MAST2: variants seen among roughly 807,000 people sequenced by gnomAD.
The protein encoded by MAST2 is microtubule-associated serine/threonine-protein kinase 2.
MAST2 carries 70 observed loss-of-function variants against 147.4 expected under a neutral mutation model. That is an observed-to-expected ratio of 0.47 (90% CI 0.39 to 0.58). MAST2 has a LOEUF of 0.58. Among genes scored for constraint, MAST2 ranks in the 20% least tolerant of loss-of-function variants. MAST2 has a pLI of 0.00. For synonymous variants in MAST2, 869 were observed against 896.8 expected (o/e 0.97, Z 0.55); for missense variants, 2,080 against 2,302.3 (o/e 0.90, Z 1.98).
At chr1:45,912,778 A>G (rs1651878270) in intron 4 of MAST2, among the ~76,000 whole-genome samples, 1 of 152,142 alleles carries the variant, frequency 6.6e-6, no homozygotes, top group Non-Finnish European at 1.5e-5. Flanking sequence ...ATGTCTTCCT[A>G]TTTGTTGGGA....
chr1:45,972,693 A>C (rs778726679), intron 5 of MAST2, among the ~76,000 whole-genome samples: 1 of 152,128 alleles, frequency 6.6e-6, no homozygotes, highest in Non-Finnish European at 1.5e-5. Flanking sequence ...CATCATCTAC[A>C]TGCTTAATTC....
intron 3 of MAST2, among the ~76,000 whole-genome samples, chr1:45,831,397 T>C (rs1214066334): frequency 6.6e-6 from 1 of 152,180 alleles, no homozygotes; most frequent in Non-Finnish European, 1.5e-5. Context: ...GGAGGATGTC[T>C]TTGTGTAGCA....
rs948854114 is a variant in MAST2 at position 45,847,406 on chromosome 1, C to CT, written c.468+17832dup. The CT allele has an allele frequency of 1.3e-5, 7 of 540,934 alleles. No homozygotes were observed. In the East Asian group the frequency reaches 2.4e-4, roughly 18 times the overall value. The allele number at this position is 540,934 out of a possible 1,614,324, so 33.5% of individuals were successfully genotyped here. A position where few individuals can be genotyped will look rare whatever the true frequency, so the allele number is the denominator to read the frequency against. ...TTCACAAGCATCTTTGTTTGAATAT[C>CT]TTTTTTTGGGGGGGATCAAGATGAT... On this transcript the variant is annotated intron_variant, in intron 3 of 28. Coordinates refer to ENST00000361297, the MANE Select transcript of MAST2 (RefSeq NM_015112.3).
intron 11 of MAST2, among the ~76,000 whole-genome samples, chr1:46,021,465 G>T (rs1387229028): frequency 6.6e-6 from 1 of 152,238 alleles, no homozygotes; most frequent in Non-Finnish European, 1.5e-5. Context: ...CAGTTATTAT[G>T]TGCAGACAAG....
At chr1:45,880,378 A>G (rs1311704996) in intron 3 of MAST2, among the ~76,000 whole-genome samples, 3 of 152,180 alleles carry the variant, frequency 2.0e-5, no homozygotes, top group Non-Finnish European at 4.4e-5. Flanking sequence ...AATGAGAATA[A>G]TATTTGCTTG....
chr1:45,846,824 T>TA lies in MAST2; in HGVS notation c.468+17258dup, dbSNP rs34512504. ...CAGGTGACAGTGCAAGACTCCGTCT[T>TA]AAAAAAAAAAAAAAATTAATAACAC... On this transcript the variant is annotated intron_variant, in intron 3 of 28. Transcript: ENST00000361297. 4.2e-3 allele frequency among the ~76,000 whole-genome samples: 615 copies of TA among 146,568 alleles called. 3 individuals are homozygous for TA. Among genetic ancestry groups the TA allele is most frequent in the Middle Eastern group, 0.014 (4 of 286 alleles).
chr1:45,878,715 A>G (rs1646711192), intron 3 of MAST2, among the ~76,000 whole-genome samples: 1 of 152,172 alleles, frequency 6.6e-6, no homozygotes, highest in Non-Finnish European at 1.5e-5. Context: ...GCAATTGGAA[A>G]ATGAAATAAA....
chr1:45,999,643 C>T (rs1345195779), intron 6 of MAST2, among the ~76,000 whole-genome samples: 1 of 152,158 alleles, frequency 6.6e-6, no homozygotes, highest in African/African-American at 2.4e-5. Flanking sequence ...TGGTTGTTTC[C>T]TCTGTAAGGA....
At chr1:45,885,057 T>A (rs918102245) in intron 4 of MAST2, among the ~76,000 whole-genome samples, 3 of 152,240 alleles carry the variant, frequency 2.0e-5, no homozygotes, top group Non-Finnish European at 2.9e-5. Flanking sequence ...TAAGTTTAAT[T>A]ACTACAAAAT....
chr1:46,000,104 G>A (rs919996113), intron 6 of MAST2, among the ~76,000 whole-genome samples: 2 of 152,104 alleles, frequency 1.3e-5, no homozygotes, highest in African/African-American at 2.4e-5. Context: ...ACTTGAAGTC[G>A]GGAGATTGAG....
At chr1:45,977,118 C>T (rs1416802168) in intron 5 of MAST2, among the ~76,000 whole-genome samples, 2 of 152,206 alleles carry the variant, frequency 1.3e-5, no homozygotes, top group African/African-American at 2.4e-5. Context: ...AGAAGAAAAT[C>T]TGCATGGCCT....
At chr1:45,931,377 G>GTTTTTTTTTTTTTT (rs71587091) in intron 4 of MAST2, among the ~76,000 whole-genome samples, 11 of 101,184 alleles carry the variant, frequency 1.1e-4, no homozygotes, top group South Asian at 3.5e-4. Flanking sequence ...ATTGTGTTCT[G>GTTTTTTTTTTTTTT]TTTTTTTTTT....
At chr1:45,942,202 G>A (rs1657403779) in intron 4 of MAST2, among the ~76,000 whole-genome samples, 2 of 150,014 alleles carry the variant, frequency 1.3e-5, no homozygotes, top group South Asian at 4.2e-4. Flanking sequence ...AAACATGTAT[G>A]TTTATAAAGG....
At chr1:45,958,647 T>C (rs370847652) in intron 4 of MAST2, among the ~76,000 whole-genome samples, 1 of 152,118 alleles carries the variant, frequency 6.6e-6, no homozygotes, top group East Asian at 1.9e-4. Context: ...GTTCTTTTGT[T>C]CCCTACTGCT....
At chr1:45,904,084 TTAAACTCC>T (rs1650249418) in intron 4 of MAST2, among the ~76,000 whole-genome samples, 1 of 152,170 alleles carries the variant, frequency 6.6e-6, no homozygotes, top group Admixed American at 6.5e-5. Flanking sequence ...CATTGCAATC[TTAAACTCC>T]TGGTCTCAAG....
At chr1:46,000,853 C>A in intron 6 of MAST2, 1 of 735,086 alleles carries the variant, frequency 1.4e-6, no homozygotes, top group Non-Finnish European at 2.1e-6. Flanking sequence ...ATCACACATT[C>A]CTAAACAGAA....
intron 1 of MAST2, among the ~76,000 whole-genome samples, chr1:45,804,789 T>C (rs964116709): frequency 2.0e-5 from 3 of 152,186 alleles, no homozygotes. Context: ...GTAGGTGTAT[T>C]TATGAGTAGG....
At chr1:45,839,635 C>T (rs907411396) in intron 3 of MAST2, among the ~76,000 whole-genome samples, 3 of 152,092 alleles carry the variant, frequency 2.0e-5, no homozygotes, top group African/African-American at 7.2e-5. Flanking sequence ...TTAATGCAGT[C>T]CCGATCAAAA....
intron 10 of MAST2, among the ~76,000 whole-genome samples, chr1:46,013,473 G>T (rs1005758993): frequency 6.6e-6 from 1 of 152,012 alleles, no homozygotes; most frequent in African/African-American, 2.4e-5. Flanking sequence ...CTGAGGTCGG[G>T]AGTTCCAGAC....
Sources: allele counts gnomAD v4.1 joint callset (sites outside exome capture counted in the v4.1 genomes callset), GRCh38; gene constraint gnomAD v4.1.1; transcripts MANE v1.5; gene names NCBI Gene and HGNC (gene_info 2026-07-23, HGNC 2026-07-21).